Variants in ANKRD28 observed in about 807,000 individuals in gnomAD.
ANKRD28 encodes the protein ankyrin repeat domain 28.
A neutral mutation model predicts 126.5 loss-of-function variants in ANKRD28; 44 were observed. The observed-to-expected ratio is 0.35, with a 90% CI of 0.27 to 0.45. The LOEUF is 0.45. ANKRD28 is among the 20% of genes least tolerant of loss of function. The probability of loss-of-function intolerance (pLI) is 1.00; values close to 1 mark genes in which losing one functional copy is unlikely to be tolerated. For synonymous variants in ANKRD28, 442 were observed against 468.5 expected (o/e 0.94, Z 0.73); for missense variants, 1,110 against 1,316.6 (o/e 0.84, Z 2.43).
chr3:15,807,279 G>A (rs1365571464), intron 1 of ANKRD28, among the ~76,000 whole-genome samples: 1 of 152,142 alleles, frequency 6.6e-6, no homozygotes, highest in Non-Finnish European at 1.5e-5. Context: ...TTGATCACAT[G>A]TCCCTTCCCA....
chr3:15,685,989 T>A lies in ANKRD28; in HGVS notation c.2169+13A>T. 6.2e-7 allele frequency: 1 copy of A among 1,605,730 alleles called. No individual in the cohort carries two copies. Among genetic ancestry groups the A allele is most frequent in the Non-Finnish European group, 8.5e-7 (1 of 1,174,032 alleles). The stretch of plus-strand genomic sequence containing the variant: ...AAAAGCTTTTTGAAAGGAAAGAGCA[T>A]ATTTCTGCTTACCCCTCTATGCAAC... On this transcript the variant is annotated intron_variant, in intron 20 of 27. Transcript: ENST00000683139.
Position 15,843,039 on chromosome 3 carries a change from AT to A in ANKRD28, c.27+16337del, listed in dbSNP as rs1337355721. On this transcript the variant is annotated intron_variant, in intron 1 of 27. Coordinates refer to the ANKRD28 transcript ENST00000399451. This position sits in a 1 kb window ranked among gnomAD's most constrained non-coding sequence, Gnocchi z 5.2. ...ATAAAGAAATATCCAAGACTGGGTA[AT>A]TTATAAGAAAAGAGGTTTAACTGGC... 6.6e-6 allele frequency among the ~76,000 whole-genome samples: 1 copy of A among 152,200 alleles called. No individual in the cohort carries two copies. The highest frequency in any genetic ancestry group is 6.5e-5 in the Admixed American group (1 of 15,278).
upstream of ANKRD28, among the ~76,000 whole-genome samples, chr3:15,798,906 C>T (rs964452530): frequency 4.6e-5 from 7 of 152,012 alleles, no homozygotes; most frequent in African/African-American, 1.4e-4. Flanking sequence ...CAATAATAAA[C>T]ATAATAGTTA....
intron 1 of ANKRD28, among the ~76,000 whole-genome samples, chr3:15,850,225 A>ATATATAGG: frequency 4.4e-5 from 1 of 22,526 alleles, no homozygotes; most frequent in South Asian, 1.4e-3. Context: ...ATATATATAT[A>ATATATAGG]GAGAGAGAGA....
At chr3:15,831,060 C>G (rs897334000) in intron 1 of ANKRD28, among the ~76,000 whole-genome samples, 1 of 152,182 alleles carries the variant, frequency 6.6e-6, no homozygotes, top group African/African-American at 2.4e-5. Context: ...TGAAACTCTC[C>G]TGGACCTCTG....
chr3:15,806,016 A>G (rs1202940340), intron 1 of ANKRD28, among the ~76,000 whole-genome samples: 1 of 152,190 alleles, frequency 6.6e-6, no homozygotes, highest in Non-Finnish European at 1.5e-5. Flanking sequence ...AAAAATACTG[A>G]CCATAGCTAT....
chr3:15,751,041 AAAG>A (rs2057828110), intron 4 of ANKRD28, among the ~76,000 whole-genome samples: 1 of 152,186 alleles, frequency 6.6e-6, no homozygotes, highest in African/African-American at 2.4e-5. Context: ...GAAAAAAAAA[AAAG>A]ATGATTCAGG....
intron 4 of ANKRD28, among the ~76,000 whole-genome samples, chr3:15,739,482 G>GA (rs1559443494): frequency 6.6e-6 from 1 of 152,076 alleles, no homozygotes; most frequent in African/African-American, 2.4e-5. Context: ...GACCAAAACC[G>GA]AAAGAGATCT....
At chr3:15,724,841 T>A (rs1213791372) in intron 6 of ANKRD28, among the ~76,000 whole-genome samples, 1 of 152,020 alleles carries the variant, frequency 6.6e-6, no homozygotes, top group Non-Finnish European at 1.5e-5. Flanking sequence ...ATTAGCTGGG[T>A]ATGGTGGCAT....
chr3:15,707,041 G>T (rs2071532061), intron 14 of ANKRD28, among the ~76,000 whole-genome samples: 1 of 152,130 alleles, frequency 6.6e-6, no homozygotes, highest in Admixed American at 6.6e-5. Context: ...CATTTGTGAA[G>T]AATCAAATTA....
chr3:15,672,136 T>C (rs911338092), intron 27 of ANKRD28, among the ~76,000 whole-genome samples: 5 of 148,880 alleles, frequency 3.4e-5, no homozygotes, highest in Non-Finnish European at 7.4e-5. Context: ...TTGGCCTTGA[T>C]AAAAAAAGGA....
At chr3:15,802,757 T>C (rs2060489396), upstream of ANKRD28, among the ~76,000 whole-genome samples, 1 of 152,176 alleles carries the variant, frequency 6.6e-6, no homozygotes, top group Non-Finnish European at 1.5e-5. Context: ...TGGGTACTGT[T>C]ATCAAATCTC....
intron 14 of ANKRD28, among the ~76,000 whole-genome samples, chr3:15,704,907 T>C (rs1420750061): frequency 2.0e-5 from 3 of 152,170 alleles, no homozygotes; most frequent in African/African-American, 7.2e-5. Context: ...TTAATAAAGA[T>C]AGGAAACAGA....
intron 21 of ANKRD28, among the ~76,000 whole-genome samples, chr3:15,679,963 A>C (rs968919502): frequency 6.6e-6 from 1 of 152,174 alleles, no homozygotes; most frequent in Admixed American, 6.5e-5. Context: ...GAGATGATTT[A>C]AAGTATAGCA....
intron 1 of ANKRD28, among the ~76,000 whole-genome samples, chr3:15,821,405 C>A (rs1285234477): frequency 1.3e-5 from 2 of 152,140 alleles, no homozygotes; most frequent in African/African-American, 4.8e-5. Flanking sequence ...TAAAGATGTA[C>A]AATCCTTACT....
chr3:15,795,127 G>C, intron 2 of ANKRD28, 96 bp downstream of exon 2: 1 of 860,174 alleles, frequency 1.2e-6, no homozygotes. Flanking sequence ...AACTGTTACA[G>C]AGTTATATTA....
At chr3:15,789,679 T>C (rs1288658961) in intron 2 of ANKRD28, among the ~76,000 whole-genome samples, 1 of 152,076 alleles carries the variant, frequency 6.6e-6, no homozygotes, top group Non-Finnish European at 1.5e-5. Context: ...TAGTCAATTA[T>C]TATATCTGTG....
chr3:15,731,291 C>T (rs1295429428), intron 6 of ANKRD28, among the ~76,000 whole-genome samples: 1 of 150,704 alleles, frequency 6.6e-6, no homozygotes, highest in East Asian at 1.9e-4. Flanking sequence ...ATCCCCCTGG[C>T]CTTCAGTTGT....
In ANKRD28 at chr3:15,833,817, G is replaced by T. The variant is rs1340655761; in HGVS notation, c.27+25560C>A. On this transcript the variant is annotated intron_variant, in intron 1 of 27. Coordinates refer to the ANKRD28 transcript ENST00000399451. The surrounding 1 kb of genome is among the most constrained non-coding windows in gnomAD (Gnocchi z 4.4). ...AATAATGGAACACTAGGCATAAGTGGATTAATTTGTATTTCTTTTATGACT... is the reference window on the plus strand; with the variant it reads ...AATAATGGAACACTAGGCATAAGTGTATTAATTTGTATTTCTTTTATGACT... 6.6e-6 allele frequency among the ~76,000 whole-genome samples: 1 copy of T among 151,880 alleles called. No homozygotes were observed. Among genetic ancestry groups the T allele is most frequent in the Non-Finnish European group, 1.5e-5 (1 of 67,966 alleles).
Sources: allele counts gnomAD v4.1 joint callset (sites outside exome capture counted in the v4.1 genomes callset), GRCh38; gene constraint gnomAD v4.1.1; non-coding constraint Gnocchi (gnomAD v3.1); transcripts MANE v1.5; gene names NCBI Gene and HGNC (gene_info 2026-07-23, HGNC 2026-07-21).